CDYL2: variants seen among roughly 807,000 people sequenced by gnomAD.
CDYL2 encodes the protein chromodomain Y-like protein 2.
Under a neutral mutation model 49.4 loss-of-function variants are expected in CDYL2, and 23 were observed. That is an observed-to-expected ratio of 0.47 (90% CI 0.34 to 0.66). The LOEUF (loss-of-function observed/expected upper bound fraction) is 0.66, where lower values mean the gene tolerates loss of function less well. Ranked by LOEUF, CDYL2 falls within the 30% of genes least tolerant of loss-of-function variation. CDYL2 has a pLI of 0.01. For missense variants in CDYL2, 678 were observed against 656.4 expected (o/e 1.03, Z -0.36); for synonymous variants, 360 against 268.8 (o/e 1.34, Z -3.32).
rs1164996072 is a variant in CDYL2, at chr16:80,780,793, T to C, written c.24+23357A>G. ...ACTACTATCAACAACATAAGGCTAA[T>C]GTCAGTAAGAATAGCAGACTAAGGA... On this transcript the variant is annotated intron_variant, in intron 1 of 6. Transcript: ENST00000570137. Among the ~76,000 whole-genome samples the C allele has an allele frequency of 1.3e-5, 2 of 152,160 alleles. 1 individual carries two copies. The highest frequency in any genetic ancestry group is 6.3e-3 in the Middle Eastern group (2 of 316).
At chr16:80,731,014 A>G (rs991464771) in intron 1 of CDYL2, among the ~76,000 whole-genome samples, 1 of 152,188 alleles carries the variant, frequency 6.6e-6, no homozygotes, top group Non-Finnish European at 1.5e-5. Flanking sequence ...AATGATAGAT[A>G]TGTTCATTAG....
At chr16:80,802,661 C>T (rs369209715) in intron 1 of CDYL2, among the ~76,000 whole-genome samples, 3 of 152,306 alleles carry the variant, frequency 2.0e-5, no homozygotes, top group East Asian at 3.9e-4. Context: ...CCACCTGAAC[C>T]TGCTGGCCGG....
Position 80,684,834 on chromosome 16 carries a change from T to G in CDYL2, c.320A>C (p.Lys107Thr). 1 of 1,614,198 alleles carries G rather than the reference T, an allele frequency of 6.2e-7. No individual in the cohort carries two copies. The highest frequency in any genetic ancestry group is 8.5e-7 in the Non-Finnish European group (1 of 1,180,048). The change falls in exon 2 of 7, where the codon AAG becomes ACG. Residue 107 changes from lysine to threonine, a missense_variant. Physicochemically the swap from Lys to Thr is moderately conservative, Grantham distance 78. Around this residue, in one of 3 missense-constraint regions of CDYL2, gnomAD observed 478 missense variants for 427.0 expected, o/e 1.12. Coordinates refer to ENST00000570137, the MANE Select transcript of CDYL2 (RefSeq NM_152342.4). ...GKSKGTSHKR[K>T]RINPPLAKPK... ...CTTGGCCAGGGGAGGGTTAATTCGCTTCCGTTTATGGGAGGTCCCCTTGCT... is the reference window on the plus strand; with the variant it reads ...CTTGGCCAGGGGAGGGTTAATTCGCGTCCGTTTATGGGAGGTCCCCTTGCT...
intron 4 of CDYL2, among the ~76,000 whole-genome samples, chr16:80,618,424 G>C (rs961875148): frequency 2.0e-5 from 3 of 152,218 alleles, no homozygotes; most frequent in African/African-American, 7.2e-5. Flanking sequence ...GACAGGAGAA[G>C]AGGTTTTGCC....
At chr16:80,669,070 G>A (rs1401441787) in intron 2 of CDYL2, among the ~76,000 whole-genome samples, 2 of 151,966 alleles carry the variant, frequency 1.3e-5, no homozygotes, top group Non-Finnish European at 2.9e-5. Flanking sequence ...TAGGGACCTA[G>A]ATATACCACA....
At chr16:80,643,542 G>A (rs1908198388) in intron 2 of CDYL2, among the ~76,000 whole-genome samples, 1 of 152,222 alleles carries the variant, frequency 6.6e-6, no homozygotes. Flanking sequence ...TTCTCCAAGA[G>A]AGCCCTGCCC....
At chr16:80,623,430 T>C (rs1165431915) in intron 3 of CDYL2, among the ~76,000 whole-genome samples, 1 of 152,052 alleles carries the variant, frequency 6.6e-6, no homozygotes, top group East Asian at 1.9e-4. Flanking sequence ...CCCGTTTATA[T>C]ACTGACCCTA....
At chr16:80,741,881 T>C (rs1208933020) in intron 1 of CDYL2, among the ~76,000 whole-genome samples, 1 of 152,202 alleles carries the variant, frequency 6.6e-6, no homozygotes, top group East Asian at 1.9e-4. Context: ...GCAACGCCCA[T>C]GAAAAACCTT....
intron 1 of CDYL2, among the ~76,000 whole-genome samples, chr16:80,759,118 A>ATATATATATATATATATGTATATGGTT (rs1555535883): frequency 8.4e-6 from 1 of 118,486 alleles, no homozygotes; most frequent in African/African-American, 3.7e-5. Flanking sequence ...ATATATATAT[A>ATATATATATATATATATGTATATGGTT]TATATATATA....
chr16:80,700,379 T>C (rs1013660264), intron 1 of CDYL2, among the ~76,000 whole-genome samples: 2 of 151,984 alleles, frequency 1.3e-5, no homozygotes, highest in Non-Finnish European at 2.9e-5. Context: ...ATAAAAGACA[T>C]CAAAAATAAA....
At chr16:80,633,466 G>T (rs1471224585) in intron 2 of CDYL2, among the ~76,000 whole-genome samples, 1 of 152,160 alleles carries the variant, frequency 6.6e-6, no homozygotes, top group Non-Finnish European at 1.5e-5. Flanking sequence ...TGAAGGCCCT[G>T]TGCGGTCCTC....
chr16:80,792,056 G>C (rs1419711701), intron 1 of CDYL2, among the ~76,000 whole-genome samples: 2 of 152,172 alleles, frequency 1.3e-5, no homozygotes, highest in East Asian at 3.8e-4. Flanking sequence ...GCAAAACAAA[G>C]GAGGCTGCAC....
intron 1 of CDYL2, among the ~76,000 whole-genome samples, chr16:80,725,767 T>G (rs1051018683): frequency 6.6e-6 from 1 of 152,234 alleles, no homozygotes; most frequent in Non-Finnish European, 1.5e-5. Flanking sequence ...AGTAACGCGC[T>G]TTAGCAACAA....
chr16:80,765,491 G>C (rs1310600912), intron 1 of CDYL2, among the ~76,000 whole-genome samples: 1 of 151,596 alleles, frequency 6.6e-6, no homozygotes, highest in Non-Finnish European at 1.5e-5. Flanking sequence ...AAAATGATAG[G>C]TACACTGGAA....
intron 2 of CDYL2, among the ~76,000 whole-genome samples, chr16:80,659,161 A>T (rs1407236071): frequency 6.6e-6 from 1 of 152,198 alleles, no homozygotes; most frequent in Non-Finnish European, 1.5e-5. Context: ...GCATCATATC[A>T]GCTAGTTCAG....
rs143110923 is a variant in CDYL2, at chr16:80,697,441, T to C, written c.25-12312A>G. On this transcript the variant is annotated intron_variant, in intron 1 of 6. Transcript: ENST00000570137. ...GTTCCTCAACATTATAAAGGCCATATCTGACAAACCCACAGCCAACATCAC... is the reference window on the plus strand; with the variant it reads ...GTTCCTCAACATTATAAAGGCCATACCTGACAAACCCACAGCCAACATCAC... Among the ~76,000 whole-genome samples, 641 of 152,218 alleles carry C rather than the reference T, an allele frequency of 4.2e-3. 2 individuals carry two copies. The highest frequency in any genetic ancestry group is 0.014 in the African/African-American group (600 of 41,532).
rs1040532167 is a variant in CDYL2 at position 80,600,441 on chromosome 16, C to T, written c.*3947G>A. The T allele has an allele frequency of 6.6e-6, 1 of 152,092 alleles. No individual in the cohort carries two copies. Among genetic ancestry groups the T allele is most frequent in the Admixed American group, 6.6e-5 (1 of 15,260 alleles). The allele number at this position is 152,092 out of a possible 1,614,324, so 9.4% of individuals were successfully genotyped here. A position where few individuals can be genotyped will look rare whatever the true frequency, so the allele number is the denominator to read the frequency against. ...ATAACTAAGCAACACTTATCTACAA[C>T]AAAAATATACATGCAAGACAACCCC... On this transcript the variant is annotated 3_prime_UTR_variant, in exon 7 of 7. Coordinates refer to ENST00000570137, the MANE Select transcript of CDYL2 (RefSeq NM_152342.4).
upstream of CDYL2, among the ~76,000 whole-genome samples, chr16:80,804,891 GT>G (rs1170439500): frequency 1.3e-4 from 19 of 151,976 alleles, no homozygotes; most frequent in Non-Finnish European, 2.1e-4. Context: ...CCGGCCCGGG[GT>G]CCCCACCTAC....
At chr16:80,789,113 A>G (rs1208111612) in intron 1 of CDYL2, among the ~76,000 whole-genome samples, 1 of 152,114 alleles carries the variant, frequency 6.6e-6, no homozygotes, top group Non-Finnish European at 1.5e-5. Context: ...TAAAAAGTCA[A>G]AAAAAAACAA....
Sources: allele counts gnomAD v4.1 joint callset (sites outside exome capture counted in the v4.1 genomes callset), GRCh38; gene constraint gnomAD v4.1.1; regional missense constraint gnomAD v4.1.1; transcripts MANE v1.5; gene names NCBI Gene and HGNC (gene_info 2026-07-23, HGNC 2026-07-21).